Variants in FOXK1 observed in about 807,000 individuals in gnomAD.
FOXK1 encodes forkhead box protein K1.
Under a neutral mutation model 51.9 loss-of-function variants are expected in FOXK1, and 19 were observed. The ratio of observed to expected loss-of-function variants is 0.37; its 90% CI spans 0.26 to 0.54. The LOEUF (loss-of-function observed/expected upper bound fraction) is 0.54, where lower values mean the gene tolerates loss of function less well. FOXK1 is among the 20% of genes least tolerant of loss of function. The probability of loss-of-function intolerance (pLI) is 0.87; values close to 1 mark genes in which losing one functional copy is unlikely to be tolerated. For missense variants in FOXK1, 870 were observed against 1,032.7 expected (o/e 0.84, Z 2.16); for synonymous variants, 537 against 482.6 (o/e 1.11, Z -1.48).
At chr7:4,714,776 CCTCT>C (rs1257531186) in intron 1 of FOXK1, among the ~76,000 whole-genome samples, 1 of 151,784 alleles carries the variant, frequency 6.6e-6, no homozygotes, top group African/African-American at 2.4e-5. Flanking sequence ...GGTTTTTTTT[CCTCT>C]CTCTCATCTC....
At position 4,759,780 on chromosome 7, in the gene FOXK1, C is replaced by A. The variant is rs1051080598; in HGVS notation, c.1696+185C>A. 17 of 777,484 alleles carry A rather than the reference C, an allele frequency of 2.2e-5. No homozygotes were observed. The African/African-American group carries it at 2.8e-4, about 13-fold the overall frequency. 48.2% of individuals were successfully genotyped at this position (777,484 alleles called of 1,614,324 possible). A position where few individuals can be genotyped will look rare whatever the true frequency, so the allele number is the denominator to read the frequency against. ...GGCAGGTGGCTCATGCTTATAATCC[C>A]AGTGCTTTGGGAGGCCAAAGCGGGT... is the stretch of plus-strand genomic sequence containing the variant. On this transcript the variant is annotated intron_variant, in intron 7 of 8. Coordinates refer to ENST00000328914, the MANE Select transcript of FOXK1 (RefSeq NM_001037165.2).
At position 4,743,879 on chromosome 7, in the gene FOXK1, C is replaced by CCT. The variant is rs1232345280; in HGVS notation, c.746+2856_746+2857insCT. Among the ~76,000 whole-genome samples, 22 of 136,880 alleles carry CCT rather than the reference C, an allele frequency of 1.6e-4. 1 individual carries two copies. Among genetic ancestry groups the CCT allele is most frequent in the Non-Finnish European group, 1.8e-4 (11 of 61,290 alleles). The allele number at this position is 136,880 out of a possible 152,430, so 89.8% of individuals were successfully genotyped here. A position where few individuals can be genotyped will look rare whatever the true frequency, so the allele number is the denominator to read the frequency against. ...AGGTTGTAATCCAGCTAAACAGAAGCTTTTTTTTTTTTTTTGAGACGGAGT... is the reference window on the plus strand; with the variant it reads ...AGGTTGTAATCCAGCTAAACAGAAGCCTTTTTTTTTTTTTTTTGAGACGGAGT... On this transcript the variant is annotated intron_variant, in intron 2 of 8. Transcript: ENST00000328914. The surrounding 1 kb of genome is among the most constrained non-coding windows in gnomAD (Gnocchi z 5.3).
Position 4,743,959 on chromosome 7 carries a change from C to T in FOXK1, c.746+2936C>T, listed in dbSNP as rs1215692929. Among the ~76,000 whole-genome samples, 2 of 151,572 alleles carry T rather than the reference C, an allele frequency of 1.3e-5. No homozygotes were observed. Among genetic ancestry groups the T allele is most frequent in the Non-Finnish European group, 2.9e-5 (2 of 67,964 alleles). On this transcript the variant is annotated intron_variant, in intron 2 of 8. Coordinates refer to ENST00000328914, the MANE Select transcript of FOXK1 (RefSeq NM_001037165.2). The surrounding 1 kb of genome is among the most constrained non-coding windows in gnomAD (Gnocchi z 5.3). ...TGGCGTGATCTTGGCTCAGTGCAAG[C>T]TCCACCTCCCTGGTTCAAGCAATTC...
chr7:4,762,716 C>G lies in FOXK1; in HGVS notation c.*252C>G, dbSNP rs925020941. On this transcript the variant is annotated 3_prime_UTR_variant, in exon 9 of 9. Transcript: ENST00000328914. This position sits in a 1 kb window ranked among gnomAD's most constrained non-coding sequence, Gnocchi z 5.7. ...GAATTCTTTGCTTTCCTTTCCTTCT[C>G]CCTCGGCACCACCTCCTCTCCCCAG... 4.0e-6 allele frequency: 2 copies of G among 499,980 alleles called. No homozygotes were observed. Among genetic ancestry groups the G allele is most frequent in the African/African-American group, 1.9e-5 (1 of 51,580 alleles). 31.0% of individuals were successfully genotyped at this position (499,980 alleles called of 1,614,324 possible). A position where few individuals can be genotyped will look rare whatever the true frequency, so the allele number is the denominator to read the frequency against.
Position 4,753,644 on chromosome 7 carries a change from C to G in FOXK1, c.747-815C>G, listed in dbSNP as rs2115070193. 6.6e-6 allele frequency among the ~76,000 whole-genome samples: 1 copy of G among 152,340 alleles called. No homozygotes were observed. The highest frequency in any genetic ancestry group is 2.1e-4 in the South Asian group (1 of 4,834). On this transcript the variant is annotated intron_variant, in intron 2 of 8. Coordinates refer to ENST00000328914, the MANE Select transcript of FOXK1 (RefSeq NM_001037165.2). This position sits in a 1 kb window ranked among gnomAD's most constrained non-coding sequence, Gnocchi z 4.9. The stretch of plus-strand genomic sequence containing the variant: ...CTCTTCGTGTCTTCATTGGCTTTCT[C>G]TGAATACCTGTAATAGAAATCATTT...
At chr7:4,726,891 C>T (rs1280564933) in intron 1 of FOXK1, among the ~76,000 whole-genome samples, 1 of 152,166 alleles carries the variant, frequency 6.6e-6, no homozygotes, top group African/African-American at 2.4e-5. Context: ...ATGTGCTTAG[C>T]ACACAGTACC....
intron 1 of FOXK1, among the ~76,000 whole-genome samples, chr7:4,693,794 T>C (rs942508098): frequency 1.3e-5 from 2 of 152,100 alleles, no homozygotes; most frequent in Non-Finnish European, 2.9e-5. Context: ...CTTGAACTCC[T>C]AGGCTCAAGT....
In FOXK1 at chr7:4,745,203, C is replaced by G. The variant is rs567119931; in HGVS notation, c.746+4180C>G. ...CCCTCCCAGTGCCGCCCCGCCCCCG[C>G]GGTGCCTGCCTTCCTAATTTGGTGT... On this transcript the variant is annotated intron_variant, in intron 2 of 8. Transcript: ENST00000328914. This position sits in a 1 kb window ranked among gnomAD's most constrained non-coding sequence, Gnocchi z 4.3. Among the ~76,000 whole-genome samples, 1 of 152,312 alleles carries G rather than the reference C, an allele frequency of 6.6e-6. No individual in the cohort carries two copies. The highest frequency in any genetic ancestry group is 1.5e-5 in the Non-Finnish European group (1 of 68,034).
intron 1 of FOXK1, among the ~76,000 whole-genome samples, chr7:4,717,833 G>A (rs1017045685): frequency 6.6e-6 from 1 of 152,140 alleles, no homozygotes; most frequent in Non-Finnish European, 1.5e-5. Flanking sequence ...TGCTCCAGGT[G>A]AAGACCGACC....
In FOXK1 at chr7:4,703,194, C is replaced by T. The variant is rs1780041675; in HGVS notation, c.560+20326C>T. 6.6e-6 allele frequency among the ~76,000 whole-genome samples: 1 copy of T among 152,058 alleles called. No homozygotes were observed. The highest frequency in any genetic ancestry group is 1.5e-5 in the Non-Finnish European group (1 of 68,008). On this transcript the variant is annotated intron_variant, in intron 1 of 8. Transcript: ENST00000328914. This position sits in a 1 kb window ranked among gnomAD's most constrained non-coding sequence, Gnocchi z 5.6. The stretch of plus-strand genomic sequence containing the variant: ...CTGGGAGGGCGTTTCTGAGGAAGTG[C>T]TGTTTTAGCCGAGGTCTAAGTTACA...
At chr7:4,701,206 C>A (rs937797761) in intron 1 of FOXK1, among the ~76,000 whole-genome samples, 2 of 152,172 alleles carry the variant, frequency 1.3e-5, no homozygotes, top group African/African-American at 4.8e-5. Flanking sequence ...GGTTTGTTTT[C>A]TTGTGTTTTT....
In FOXK1 at chr7:4,734,957, C is replaced by T. The variant is rs1780533809; in HGVS notation, c.561-5881C>T. ...CTTTCACGGGCTCTTCCTTCCCTCT[C>T]TGATTATTTCTCTGAGTCTGAAATG... On this transcript the variant is annotated intron_variant, in intron 1 of 8. Coordinates refer to ENST00000328914, the MANE Select transcript of FOXK1 (RefSeq NM_001037165.2). The surrounding 1 kb of genome is among the most constrained non-coding windows in gnomAD (Gnocchi z 5.2). Among the ~76,000 whole-genome samples the T allele has an allele frequency of 6.6e-6, 1 of 152,188 alleles. No homozygotes were observed. The highest frequency in any genetic ancestry group is 1.5e-5 in the Non-Finnish European group (1 of 68,046).
intron 1 of FOXK1, among the ~76,000 whole-genome samples, chr7:4,721,676 T>C (rs965599046): frequency 2.8e-5 from 4 of 142,422 alleles, no homozygotes; most frequent in East Asian, 2.3e-4. Flanking sequence ...CTGCAACCTC[T>C]CCCTCCTGGA....
Position 4,759,552 on chromosome 7 carries a change from T to C in FOXK1, c.1653T>C (p.Asp551=), listed in dbSNP as rs770495931. Residue 551 remains aspartate (D), a synonymous_variant, in exon 7 of 9, where the codon GAT becomes GAC. Coordinates refer to ENST00000328914, the MANE Select transcript of FOXK1 (RefSeq NM_001037165.2). ...TSQGAAGGSH[D]AAGAAVLDLG... ...AGGGCGCGGCGGGGGGCTCCCATGA[T>C]GCGGCGGGCGCAGCCGTGCTGGACC... 1.3e-6 allele frequency: 2 copies of C among 1,543,420 alleles called. No homozygotes were observed. Among genetic ancestry groups the C allele is most frequent in the South Asian group, 2.4e-5 (2 of 84,540 alleles).
At position 4,767,908 on chromosome 7, in the gene FOXK1, G is replaced by T. The variant is rs1427261314; in HGVS notation, c.*5444G>T. On this transcript the variant is annotated 3_prime_UTR_variant, in exon 9 of 9. Coordinates refer to ENST00000328914, the MANE Select transcript of FOXK1 (RefSeq NM_001037165.2). This position sits in a 1 kb window ranked among gnomAD's most constrained non-coding sequence, Gnocchi z 6.6. Reference sequence around the variant, plus strand: ...CGAGTGGGGTCCGTGCCTCGAGAAGGGGGCCCTTACCCACACCGTGCGGCT... The same window carrying T: ...CGAGTGGGGTCCGTGCCTCGAGAAGTGGGCCCTTACCCACACCGTGCGGCT... 1 of 152,024 alleles carries T rather than the reference G, an allele frequency of 6.6e-6. No individual in the cohort carries two copies. Among genetic ancestry groups the T allele is most frequent in the Non-Finnish European group, 1.5e-5 (1 of 68,048 alleles). The allele number at this position is 152,024 out of a possible 1,614,324, so 9.4% of individuals were successfully genotyped here.
At position 4,733,612 on chromosome 7, in the gene FOXK1, C is replaced by T. The variant is rs1206386604; in HGVS notation, c.561-7226C>T. ...AGTTGGGTGGACGTTTCTCTGTCTCCATGTTTGCTATAGAAGCAGGAGAGA... is the reference window on the plus strand; with the variant it reads ...AGTTGGGTGGACGTTTCTCTGTCTCTATGTTTGCTATAGAAGCAGGAGAGA... On this transcript the variant is annotated intron_variant, in intron 1 of 8. Transcript: ENST00000328914. This position sits in a 1 kb window ranked among gnomAD's most constrained non-coding sequence, Gnocchi z 5.0. 2.6e-5 allele frequency among the ~76,000 whole-genome samples: 4 copies of T among 152,222 alleles called. No homozygotes were observed. Among genetic ancestry groups the T allele is most frequent in the Admixed American group, 2.6e-4 (4 of 15,286 alleles).
intron 1 of FOXK1, among the ~76,000 whole-genome samples, chr7:4,740,120 C>A (rs912135996): frequency 6.6e-6 from 1 of 152,070 alleles, no homozygotes; most frequent in Non-Finnish European, 1.5e-5. Flanking sequence ...CGTGGTGAAA[C>A]CCCGTCTCTA....
At chr7:4,693,587 A>G (rs1237038100) in intron 1 of FOXK1, among the ~76,000 whole-genome samples, 1 of 152,158 alleles carries the variant, frequency 6.6e-6, no homozygotes, top group Non-Finnish European at 1.5e-5. Context: ...TCTGTCGCCC[A>G]AGCCGCTCTC....
rs144189779 is a variant in FOXK1, at chr7:4,739,652, G to C, written c.561-1186G>C. On this transcript the variant is annotated intron_variant, in intron 1 of 8. Coordinates refer to ENST00000328914, the MANE Select transcript of FOXK1 (RefSeq NM_001037165.2). ...CTCCAGTAGAAAAACCGAGGCTCAC[G>C]GTTTTAAGCCCAGAACTGATCGTGA... 9.9e-3 allele frequency among the ~76,000 whole-genome samples: 1,504 copies of C among 152,290 alleles called. 22 individuals carry two copies. The highest frequency in any genetic ancestry group is 0.011 in the Admixed American group (170 of 15,302).
Sources: gnomAD v4.1 joint callset for allele counts (sites outside exome capture counted in the v4.1 genomes callset) on GRCh38, gnomAD v4.1.1 for gene constraint, Gnocchi (gnomAD v3.1) non-coding constraint, MANE v1.5 for transcripts, NCBI Gene and HGNC (gene_info 2026-07-23, HGNC 2026-07-21) for gene names.